EPS15L1: variants seen among roughly 807,000 people sequenced by gnomAD.
EPS15L1 encodes the protein epidermal growth factor receptor pathway substrate 15 like 1.
EPS15L1 carries 43 observed loss-of-function variants against 117.1 expected under a neutral mutation model. That is an observed-to-expected ratio of 0.37 (90% CI 0.29 to 0.47). The LOEUF is 0.47. Ranked by LOEUF, EPS15L1 falls within the 20% of genes least tolerant of loss-of-function variation. The pLI is 0.99. For synonymous variants in EPS15L1, 459 were observed against 470.5 expected (o/e 0.98, Z 0.32); for missense variants, 981 against 1,164.0 (o/e 0.84, Z 2.29).
chr19:16,394,058 G>A, intron 17 of EPS15L1, 57 bp from the exon 18 acceptor site: 1 of 1,537,160 alleles, frequency 6.5e-7, no homozygotes, highest in Non-Finnish European at 9.0e-7. Context: ...TGCGGGCCGG[G>A]CCCTTGGACA....
chr19:16,360,679 C>T (rs2092039043), intron 23 of EPS15L1, among the ~76,000 whole-genome samples: 1 of 152,100 alleles, frequency 6.6e-6, no homozygotes, highest in Non-Finnish European at 1.5e-5. Flanking sequence ...CCCAGGAATT[C>T]GAGGTTACAA....
At chr19:16,425,000 G>T in intron 9 of EPS15L1, 83 bp downstream of exon 9, 1 of 1,195,596 alleles carries the variant, frequency 8.4e-7, no homozygotes, top group Non-Finnish European at 1.2e-6. Context: ...AAGCTTGACC[G>T]TTCTGGGGTT....
At chr19:16,451,388 T>C (rs2093140719) in intron 1 of EPS15L1, among the ~76,000 whole-genome samples, 2 of 152,230 alleles carry the variant, frequency 1.3e-5, no homozygotes, top group African/African-American at 4.8e-5. Flanking sequence ...GAATATGGTC[T>C]TGTTATCAGA....
rs769369841 is a variant in EPS15L1 at position 16,441,906 on chromosome 19, T to G, written c.151A>C (p.Ile51Leu). 3 of 1,613,356 alleles carry G rather than the reference T, an allele frequency of 1.9e-6. No homozygotes were observed. In the African/African-American group the frequency reaches 4.0e-5, roughly 22 times the overall value. Residue 51 changes from isoleucine (I) to leucine (L), a missense_variant, in exon 3 of 24, where the codon ATT becomes CTT. This residue lies in a region of EPS15L1 where 62 missense variants were observed against 104.2 expected (regional missense o/e 0.59). Transcript: ENST00000455140. Reference protein sequence around the residue: ...LFLKKSGLSDIILGKIWDLAD... With the variant: ...LFLKKSGLSDLILGKIWDLAD... ...TCTTCACATACCTTCCCAAGGATAA[T>G]GTCCGAGAGGCCAGACTTCTTTAGA...
chr19:16,428,987 T>C (rs35920637), intron 7 of EPS15L1, among the ~76,000 whole-genome samples: 4,664 of 152,268 alleles, frequency 0.031, 102 homozygotes, highest in Non-Finnish European at 0.051. Context: ...TATAATCATA[T>C]TGATTATAAG....
chr19:16,403,886 T>A lies in EPS15L1; in HGVS notation c.1473A>T (p.Leu491Phe). 6.2e-7 allele frequency: 1 copy of A among 1,614,154 alleles called. No homozygotes were observed. Among genetic ancestry groups the A allele is most frequent in the Non-Finnish European group, 8.5e-7 (1 of 1,180,028 alleles). ...GGTTCAGATCGTCTTCCTGGGACTT[T>A]AAGTCAGATTCCTGAGATTGGATTT... ...KTQIQSQESDLKSQEDDLNRA... is the reference protein window; with the variant it reads ...KTQIQSQESDFKSQEDDLNRA... Residue 491 changes from leucine to phenylalanine, a missense_variant, in exon 15 of 24, where the codon TTA becomes TTT. Transcript: ENST00000455140.
chr19:16,454,944 A>G (rs989998902), intron 1 of EPS15L1, among the ~76,000 whole-genome samples: 1 of 152,044 alleles, frequency 6.6e-6, no homozygotes, highest in South Asian at 2.1e-4. Context: ...AGCCTGGCCA[A>G]CATGGTAAAA....
In EPS15L1 at chr19:16,434,576, A is replaced by G. The variant is rs1275055214; in HGVS notation, c.373-86T>C. ...GAGCTCTGACCGAAAGCCAAGTGAA[A>G]ATGGCCACGGACCCATCATCACCCT... On this transcript the variant is annotated intron_variant, in intron 6 of 23. Coordinates refer to ENST00000455140, the MANE Select transcript of EPS15L1 (RefSeq NM_001258374.3). 13 of 1,431,088 alleles carry G rather than the reference A, an allele frequency of 9.1e-6. No individual in the cohort carries two copies. In the African/African-American group the frequency reaches 1.7e-4, roughly 19 times the overall value. The allele number at this position is 1,431,088 out of a possible 1,614,324, so 88.6% of individuals were successfully genotyped here. A position where few individuals can be genotyped will look rare whatever the true frequency, so the allele number is the denominator to read the frequency against.
chr19:16,421,553 C>T (rs1163476036), intron 9 of EPS15L1, 77 bp from the exon 10 acceptor site: 17 of 1,440,844 alleles, frequency 1.2e-5, no homozygotes, highest in African/African-American at 2.8e-5. Context: ...GATGATGGGG[C>T]GATTAAAGCA....
chr19:16,421,543 G>A, intron 9 of EPS15L1, 67 bp from the exon 10 acceptor site: 1 of 1,512,542 alleles, frequency 6.6e-7, no homozygotes. Context: ...CATGCTTTTT[G>A]ATGATGGGGC....
At chr19:16,462,529 G>A (rs2093263107) in intron 1 of EPS15L1, among the ~76,000 whole-genome samples, 1 of 152,164 alleles carries the variant, frequency 6.6e-6, no homozygotes, top group Non-Finnish European at 1.5e-5. Context: ...AAATTAGCCA[G>A]GCTTGGTGGT....
At position 16,442,593 on chromosome 19, in the gene EPS15L1, G is replaced by A. The variant is rs546643450; in HGVS notation, c.34-374C>T. Among the ~76,000 whole-genome samples the A allele has an allele frequency of 2.0e-5, 3 of 152,282 alleles. No homozygotes were observed. The South Asian group carries it at 6.2e-4, about 32-fold the overall frequency. On this transcript the variant is annotated intron_variant, in intron 1 of 23. Transcript: ENST00000455140. ...CCTCTGAGATTGTTCTCTGGCTCCG[G>A]AATCAGAAAAGAAGTTTCCACGCAT...
At chr19:16,432,279 C>T (rs182750715) in intron 7 of EPS15L1, among the ~76,000 whole-genome samples, 3 of 151,952 alleles carry the variant, frequency 2.0e-5, no homozygotes, top group Non-Finnish European at 2.9e-5. Context: ...ATTAAAAATA[C>T]AAAAATTGGC....
chr19:16,358,682 C>T (rs901587667), intron 23 of EPS15L1, among the ~76,000 whole-genome samples: 3 of 152,254 alleles, frequency 2.0e-5, no homozygotes, highest in Admixed American at 6.5e-5. Context: ...GGGATGGCCC[C>T]GGGAGGCGCC....
intron 1 of EPS15L1, among the ~76,000 whole-genome samples, chr19:16,444,879 A>G (rs988593538): frequency 8.5e-5 from 13 of 152,208 alleles, no homozygotes; most frequent in Middle Eastern, 3.4e-3. Context: ...GGTGCGTGCC[A>G]CCATGCCCAC....
At chr19:16,410,338 G>A (rs866878757) in intron 13 of EPS15L1, among the ~76,000 whole-genome samples, 21 of 152,116 alleles carry the variant, frequency 1.4e-4, no homozygotes, top group African/African-American at 4.6e-4. Context: ...CCACCACGAC[G>A]GCTAGAAGGA....
rs751495521 is a variant in EPS15L1 at position 16,355,830 on chromosome 19, G to A, written c.2608C>T (p.Leu870=). The A allele has an allele frequency of 6.5e-7, 1 of 1,536,052 alleles. No individual in the cohort carries two copies. Among genetic ancestry groups the A allele is most frequent in the South Asian group, 1.2e-5 (1 of 84,056 alleles). ...FTSFGNEEQQ[L]AWAKRESEKA... ...TCGCTCTCCCGCTTGGCCCACGCCAGCTGCTGCTCCTCATTGCCAAACTGC... is the reference window on the plus strand; with the variant it reads ...TCGCTCTCCCGCTTGGCCCACGCCAACTGCTGCTCCTCATTGCCAAACTGC... Residue 870 remains leucine, a synonymous_variant, in exon 24 of 24, where the codon CTG becomes TTG. Transcript: ENST00000455140.
intron 1 of EPS15L1, among the ~76,000 whole-genome samples, chr19:16,469,035 G>A (rs2093326709): frequency 6.6e-6 from 1 of 152,094 alleles, no homozygotes; most frequent in Non-Finnish European, 1.5e-5. Context: ...TCAAAAAGAT[G>A]ACTTCCACAG....
intron 13 of EPS15L1, among the ~76,000 whole-genome samples, chr19:16,407,161 A>G (rs544694705): frequency 6.6e-6 from 1 of 152,296 alleles, no homozygotes; most frequent in East Asian, 1.9e-4. Context: ...TAAGACACAC[A>G]TGCCATGTCA....
Sources: gnomAD v4.1 joint callset for allele counts (sites outside exome capture counted in the v4.1 genomes callset) on GRCh38, gnomAD v4.1.1 for gene constraint, gnomAD v4.1.1 regional missense constraint, MANE v1.5 for transcripts, NCBI Gene and HGNC (gene_info 2026-07-23, HGNC 2026-07-21) for gene names.